Variants in DMD observed in about 807,000 individuals in gnomAD.
DMD encodes the protein dystrophin.
In DMD, 63 loss-of-function variants were observed where a neutral mutation model predicts 330.1. The ratio of observed to expected loss-of-function variants is 0.19; its 90% CI spans 0.16 to 0.24. DMD has a LOEUF of 0.24. Among genes scored for constraint, DMD ranks in the 10% least tolerant of loss-of-function variants. The pLI is 1.00. For synonymous variants in DMD, 1,223 were observed against 959.8 expected (o/e 1.27, Z -5.07); for missense variants, 3,344 against 2,684.1 (o/e 1.25, Z -5.43).
At chrX:31,190,305 C>T (rs995176760) in intron 67 of DMD, among the ~76,000 whole-genome samples, 5 of 110,746 alleles carry the variant, frequency 4.5e-5, no homozygotes, top group African/African-American at 6.6e-5. Flanking sequence ...AAACATAGTT[C>T]GTTTCAGATG....
chrX:33,045,740 G>A (rs1435940494), intron 1 of DMD, among the ~76,000 whole-genome samples: 1 of 111,359 alleles, frequency 9.0e-6, no homozygotes, highest in Non-Finnish European at 1.9e-5. Flanking sequence ...AAGTCCTAAA[G>A]AAGAGAAGGA....
intron 35 of DMD, 150 bp downstream of exon 35, chrX:32,364,870 A>T (rs2097848983): frequency 1.4e-6 from 1 of 707,969 alleles, no homozygotes; most frequent in African/African-American, 2.2e-5. Flanking sequence ...ATAAAGAAAA[A>T]TATATTAAAA....
At chrX:32,116,224 A>G (rs2096610169) in intron 44 of DMD, among the ~76,000 whole-genome samples, 1 of 111,236 alleles carries the variant, frequency 9.0e-6, no homozygotes, top group Non-Finnish European at 1.9e-5. Flanking sequence ...CCCAAATTGG[A>G]GAATATCTGC....
chrX:31,349,659 G>A (rs1165813178), intron 60 of DMD, among the ~76,000 whole-genome samples: 1 of 111,387 alleles, frequency 9.0e-6, no homozygotes, highest in Non-Finnish European at 1.9e-5. Context: ...TATTCTTGGT[G>A]GGGAAGAAAG....
chrX:32,087,872 A>G (rs1442064665), intron 44 of DMD, among the ~76,000 whole-genome samples: 3 of 112,552 alleles, frequency 2.7e-5, no homozygotes, highest in Non-Finnish European at 5.6e-5. Context: ...CCTCTGCTAC[A>G]TCTAGACAAT....
intron 37 of DMD, among the ~76,000 whole-genome samples, chrX:32,361,822 GT>G (rs916196121): frequency 1.5e-4 from 16 of 110,292 alleles, no homozygotes; most frequent in African/African-American, 3.3e-4. Flanking sequence ...ATACTCCAAT[GT>G]TTTTTTCATT....
chrX:31,157,857 G>A (rs1197255137), intron 74 of DMD, among the ~76,000 whole-genome samples: 1 of 105,750 alleles, frequency 9.5e-6, no homozygotes, highest in Admixed American at 1.0e-4. Context: ...AGGCTGGAGT[G>A]CAGTGGTGTA....
chrX:33,189,316 A>T (rs1467867548), intron 1 of DMD, among the ~76,000 whole-genome samples: 1 of 111,617 alleles, frequency 9.0e-6, no homozygotes, highest in Non-Finnish European at 1.9e-5. Context: ...GAGGTGGGAA[A>T]CATGATGATA....
chrX:31,782,132 G>A (rs796653765), intron 50 of DMD, among the ~76,000 whole-genome samples: 2 of 111,459 alleles, frequency 1.8e-5, no homozygotes, highest in South Asian at 7.5e-4. Context: ...CACAGGAACT[G>A]TCTTAGTGAC....
At chrX:32,418,609 A>G (rs768280148) in intron 29 of DMD, among the ~76,000 whole-genome samples, 2 of 111,420 alleles carry the variant, frequency 1.8e-5, no homozygotes, top group Non-Finnish European at 3.8e-5. Context: ...TTCCTGAAGC[A>G]TAATTCTAAG....
At chrX:32,120,325 G>C (rs1280916029) in intron 44 of DMD, among the ~76,000 whole-genome samples, 2 of 111,794 alleles carry the variant, frequency 1.8e-5, no homozygotes, top group Non-Finnish European at 3.8e-5. Flanking sequence ...GCAAATTCTG[G>C]ACCTGCACCA....
At chrX:33,252,681 C>T (rs1056083286) in intron 1 of DMD, among the ~76,000 whole-genome samples, 1 of 110,740 alleles carries the variant, frequency 9.0e-6, no homozygotes, top group Non-Finnish European at 1.9e-5. Flanking sequence ...TTGCATTTTG[C>T]TATTCACAAG....
intron 67 of DMD, among the ~76,000 whole-genome samples, chrX:31,195,531 C>T (rs1464133872): frequency 9.0e-6 from 1 of 110,669 alleles, no homozygotes; most frequent in Admixed American, 9.7e-5. Context: ...TGTAAAAGAA[C>T]AAGATATAAA....
At chrX:32,379,890 C>A (rs1284666400) in intron 34 of DMD, among the ~76,000 whole-genome samples, 6 of 110,466 alleles carry the variant, frequency 5.4e-5, no homozygotes, top group Non-Finnish European at 1.1e-4. Context: ...TATCAACACA[C>A]TTTCAGGTAA....
At chrX:32,758,488 C>T (rs2071794839) in intron 7 of DMD, among the ~76,000 whole-genome samples, 1 of 111,450 alleles carries the variant, frequency 9.0e-6, no homozygotes, top group African/African-American at 3.3e-5. Context: ...CAAATGAACA[C>T]AGTAGTCATG....
At chrX:31,861,770 C>CAG (rs2093707731) in intron 48 of DMD, among the ~76,000 whole-genome samples, 1 of 102,100 alleles carries the variant, frequency 9.8e-6, no homozygotes, top group Non-Finnish European at 2.0e-5. Context: ...CACACACACA[C>CAG]AGGCATTTTA....
chrX:31,953,334 T>C (rs1356932149), intron 45 of DMD, among the ~76,000 whole-genome samples: 1 of 112,040 alleles, frequency 8.9e-6, no homozygotes, highest in Non-Finnish European at 1.9e-5. Context: ...ACATGGAGTT[T>C]TAAACTTCTG....
At chrX:31,535,925 A>G (rs1356218929) in intron 55 of DMD, among the ~76,000 whole-genome samples, 1 of 112,223 alleles carries the variant, frequency 8.9e-6, no homozygotes, top group East Asian at 2.8e-4. Context: ...ACAACTCTGA[A>G]CACATCAGGG....
At chrX:32,039,870 C>T (rs929620581) in intron 44 of DMD, among the ~76,000 whole-genome samples, 5 of 111,272 alleles carry the variant, frequency 4.5e-5, no homozygotes, top group Non-Finnish European at 9.4e-5. Flanking sequence ...ACTTTTCTTA[C>T]ATTGCACATT....
Sources: allele counts gnomAD v4.1 joint callset (sites outside exome capture counted in the v4.1 genomes callset), GRCh38; gene constraint gnomAD v4.1.1; transcripts MANE v1.5; gene names NCBI Gene and HGNC (gene_info 2026-07-23, HGNC 2026-07-21).